The following ZBTB20 variants were observed in gnomAD, a reference collection of about 807,000 sequenced individuals.
ZBTB20 encodes the protein zinc finger and BTB domain containing 20.
A neutral mutation model predicts 56.9 loss-of-function variants in ZBTB20; 9 were observed. The observed-to-expected ratio is 0.16, with a 90% confidence interval of 0.10 to 0.28. The LOEUF (loss-of-function observed/expected upper bound fraction) is 0.28. Ranked by LOEUF, ZBTB20 falls within the 10% of genes least tolerant of loss-of-function variation. The pLI, the probability that ZBTB20 is intolerant of heterozygous loss-of-function variation, is 1.00. For synonymous variants in ZBTB20, 417 were observed against 420.7 expected (o/e 0.99, Z 0.11); for missense variants, 655 against 1,003.0 (o/e 0.65, Z 4.69).
chr3:115,108,009 A>G (rs2083773183), intron 1 of ZBTB20, among the ~76,000 whole-genome samples: 1 of 152,148 alleles, frequency 6.6e-6, no homozygotes. Context: ...GAGAGGAGGG[A>G]GAGCATCAGG....
intron 3 of ZBTB20, among the ~76,000 whole-genome samples, chr3:114,938,138 A>G (rs1247185346): frequency 7.7e-6 from 1 of 129,054 alleles, no homozygotes; most frequent in Non-Finnish European, 1.5e-5. Flanking sequence ...AAAATAAAAT[A>G]AAATATTTAA....
At chr3:115,007,597 T>C (rs2079530137) in intron 2 of ZBTB20, among the ~76,000 whole-genome samples, 1 of 151,820 alleles carries the variant, frequency 6.6e-6, no homozygotes, top group African/African-American at 2.4e-5. Flanking sequence ...CCATCAAATA[T>C]ACATAAAAAT....
chr3:115,101,695 T>C (rs555871318), intron 1 of ZBTB20, among the ~76,000 whole-genome samples: 1 of 152,192 alleles, frequency 6.6e-6, no homozygotes, highest in Non-Finnish European at 1.5e-5. Context: ...AAAAAATATT[T>C]ACACACAAAT....
intron 1 of ZBTB20, among the ~76,000 whole-genome samples, chr3:115,122,808 C>T (rs537895269): frequency 6.6e-6 from 1 of 152,262 alleles, no homozygotes; most frequent in South Asian, 2.1e-4. Flanking sequence ...TCATCACCTA[C>T]TGGCAATCAC....
At chr3:114,728,489 T>C (rs2065472429) in intron 5 of ZBTB20, among the ~76,000 whole-genome samples, 1 of 152,188 alleles carries the variant, frequency 6.6e-6, no homozygotes, top group Non-Finnish European at 1.5e-5. Flanking sequence ...ATTTGTTAAC[T>C]GCCCAAAGTA....
intron 2 of ZBTB20, among the ~76,000 whole-genome samples, chr3:115,030,044 A>G (rs1224321891): frequency 6.6e-6 from 1 of 151,110 alleles, no homozygotes; most frequent in African/African-American, 2.4e-5. Flanking sequence ...ATGAAAAATA[A>G]TTAAGGACCT....
intron 4 of ZBTB20, among the ~76,000 whole-genome samples, chr3:114,885,582 TTTC>T (rs1417089971): frequency 2.0e-5 from 3 of 152,084 alleles, no homozygotes. Flanking sequence ...CTTTTTTTTT[TTTC>T]GGCAACAGAT....
At chr3:115,079,686 G>A (rs753766162) in intron 1 of ZBTB20, among the ~76,000 whole-genome samples, 4 of 152,146 alleles carry the variant, frequency 2.6e-5, no homozygotes, top group African/African-American at 4.8e-5. Context: ...GAGCCACTGC[G>A]CCCTGCCCCT....
intron 6 of ZBTB20, among the ~76,000 whole-genome samples, chr3:114,627,013 A>G (rs539149431): frequency 2.0e-5 from 3 of 152,294 alleles, no homozygotes; most frequent in Admixed American, 1.3e-4. Context: ...TCTTGGCTCA[A>G]TCTCTTCATG....
At chr3:114,485,857 C>T (rs905399491) in intron 7 of ZBTB20, among the ~76,000 whole-genome samples, 21 of 152,092 alleles carry the variant, frequency 1.4e-4, no homozygotes, top group Non-Finnish European at 1.5e-5. Flanking sequence ...TCTTGAATTT[C>T]CTAGTCTCTG....
Position 114,351,497 on chromosome 3 carries a change from G to A in ZBTB20, c.581C>T (p.Ser194Leu). 1 of 1,613,998 alleles carries A rather than the reference G, an allele frequency of 6.2e-7. No homozygotes were observed. Among genetic ancestry groups the A allele is most frequent in the South Asian group, 1.1e-5 (1 of 91,078 alleles). The change falls in exon 11 of 12, where the codon TCA becomes TTA. Residue 194 changes from serine (S) to leucine (L), a missense_variant. Transcript: ENST00000675478. ...CGGGAACACATCGCCCACGTTCTGT[G>A]ACACGATGCGCGTGCACTCGTCGAT... The part of the protein sequence containing the change: ...TVIDECTRIV[S>L]QNVGDVFPGI...
chr3:114,741,872 C>A (rs2066617533), intron 5 of ZBTB20, among the ~76,000 whole-genome samples: 1 of 129,630 alleles, frequency 7.7e-6, no homozygotes, highest in South Asian at 2.6e-4. Flanking sequence ...CAGAGCAAGA[C>A]TGTAAAAAAA....
intron 4 of ZBTB20, among the ~76,000 whole-genome samples, chr3:114,877,641 C>CAT (rs1312869273): frequency 2.6e-5 from 4 of 152,156 alleles, no homozygotes; most frequent in African/African-American, 4.8e-5. Flanking sequence ...AAAACACACA[C>CAT]ATATATATAA....
At chr3:114,653,436 C>T (rs1007959536) in intron 6 of ZBTB20, among the ~76,000 whole-genome samples, 1 of 151,822 alleles carries the variant, frequency 6.6e-6, no homozygotes, top group Non-Finnish European at 1.5e-5. Context: ...TATTTTCAAA[C>T]GTTAAACTAA....
chr3:114,870,816 T>A (rs934248301), intron 4 of ZBTB20, among the ~76,000 whole-genome samples: 7 of 152,058 alleles, frequency 4.6e-5, no homozygotes, highest in Non-Finnish European at 8.8e-5. Context: ...CTACCCTTAC[T>A]TTCACCTCTA....
intron 1 of ZBTB20, among the ~76,000 whole-genome samples, chr3:115,093,549 A>C (rs949596084): frequency 6.6e-6 from 1 of 152,176 alleles, no homozygotes; most frequent in African/African-American, 2.4e-5. Flanking sequence ...TGTTTCATAC[A>C]AATTATTTGA....
At chr3:114,420,347 A>C (rs1278014716) in intron 7 of ZBTB20, among the ~76,000 whole-genome samples, 1 of 152,160 alleles carries the variant, frequency 6.6e-6, no homozygotes, top group Non-Finnish European at 1.5e-5. Flanking sequence ...TTGGTGTTAA[A>C]GAAACACAAA....
intron 3 of ZBTB20, among the ~76,000 whole-genome samples, chr3:114,902,283 A>T (rs975927967): frequency 1.3e-5 from 2 of 152,202 alleles, no homozygotes; most frequent in Non-Finnish European, 2.9e-5. Context: ...GCACAGCCTA[A>T]CTTATTCACT....
chr3:115,051,973 T>C (rs1184295831), intron 2 of ZBTB20, among the ~76,000 whole-genome samples: 2 of 151,870 alleles, frequency 1.3e-5, no homozygotes, highest in African/African-American at 4.8e-5. Flanking sequence ...GAGAACTCAC[T>C]CACTATCATG....
Sources: gnomAD v4.1 joint callset for allele counts (sites outside exome capture counted in the v4.1 genomes callset) on GRCh38, gnomAD v4.1.1 for gene constraint, MANE v1.5 for transcripts, NCBI Gene and HGNC (gene_info 2026-07-23, HGNC 2026-07-21) for gene names.